The following MYH15 variants were observed in gnomAD, a reference collection of about 807,000 sequenced individuals.
The protein encoded by MYH15 is myosin-15.
In MYH15, 227 loss-of-function variants were observed where a neutral mutation model predicts 240.5. The observed-to-expected ratio is 0.94, with a 90% CI of 0.85 to 1.05. The LOEUF (loss-of-function observed/expected upper bound fraction) is 1.05. MYH15 is among the 50% of genes least tolerant of loss of function. The pLI is 0.00. For missense variants in MYH15, 2,217 were observed against 2,247.5 expected, an observed-to-expected ratio of 0.99 and a Z score of 0.27; for synonymous variants, 785 against 796.7, an observed-to-expected ratio of 0.99 and a Z score of 0.25.
At chr3:108,500,080 G>A (rs756693038) in intron 4 of MYH15, 38 bp downstream of exon 4, 31 of 1,598,074 alleles carry the variant, frequency 1.9e-5, no homozygotes, top group Non-Finnish European at 2.6e-5. Context: ...AAGTAGATCA[G>A]ATATTTTTAC....
At chr3:108,423,091 G>C (rs1021356759) in intron 27 of MYH15, among the ~76,000 whole-genome samples, 1 of 152,270 alleles carries the variant, frequency 6.6e-6, no homozygotes, top group African/African-American at 2.4e-5. Flanking sequence ...GGGGGAAACA[G>C]GGACTCTCAC....
At chr3:108,512,865 G>A (rs1276631757), upstream of MYH15, among the ~76,000 whole-genome samples, 1 of 151,994 alleles carries the variant, frequency 6.6e-6, no homozygotes, top group African/African-American at 2.4e-5. Flanking sequence ...GAAACATTAG[G>A]TGCCAGGAGT....
rs141734511 is a variant in MYH15 at position 108,444,755 on chromosome 3, T to G, written c.2540A>C (p.Glu847Ala). 349 of 1,614,138 alleles carry G rather than the reference T, an allele frequency of 2.2e-4. 5 individuals carry two copies. The East Asian group carries it at 7.7e-3, about 36-fold the overall frequency. The change falls in exon 22 of 41, where the codon GAG becomes GCG. Residue 847 changes from glutamate (E) to alanine (A), a missense_variant. Physicochemically the swap from Glu to Ala is moderately radical, Grantham distance 107. Coordinates refer to ENST00000693548, the MANE Select transcript of MYH15 (RefSeq NM_014981.3). ...CAAGGCTTTCTGTAATTGTGCACAC[T>G]CTTCCTTCAGTCCAGCTACTTCTTC... ...VGEEVAGLKE[E>A]CAQLQKALEK... is the part of the protein sequence containing the mutation.
chr3:108,417,010 G>T (rs1318304861), intron 28 of MYH15, 80 bp from the exon 29 acceptor site: 1 of 1,133,886 alleles, frequency 8.8e-7, no homozygotes, highest in Non-Finnish European at 1.3e-6. Flanking sequence ...TGACTTTAAG[G>T]GTAGCCAGAA....
chr3:108,442,611 T>C (rs974176678), intron 22 of MYH15, among the ~76,000 whole-genome samples: 1 of 152,068 alleles, frequency 6.6e-6, no homozygotes, highest in African/African-American at 2.4e-5. Flanking sequence ...TCATTAAACA[T>C]GACAGCAGGA....
chr3:108,534,284 T>C (rs1289096029), upstream of MYH15, among the ~76,000 whole-genome samples: 1 of 152,198 alleles, frequency 6.6e-6, no homozygotes, highest in Non-Finnish European at 1.5e-5. Context: ...GCCATATTAT[T>C]TATCTTGAAA....
intron 1 of MYH15, among the ~76,000 whole-genome samples, chr3:108,525,525 A>G (rs1355077398): frequency 6.6e-6 from 1 of 152,126 alleles, no homozygotes; most frequent in East Asian, 1.9e-4. Context: ...AGCAATCTAG[A>G]AACTTCCCTC....
At chr3:108,493,304 C>CAAAAAAAAA (rs34979792) in intron 7 of MYH15, 127 bp from the exon 8 acceptor site, 1 of 430,938 alleles carries the variant, frequency 2.3e-6, no homozygotes. Context: ...AAAAAACAAA[C>CAAAAAAAAA]AAAAAAAAAA....
chr3:108,409,806 T>C (rs949343338), intron 31 of MYH15, among the ~76,000 whole-genome samples: 1 of 152,234 alleles, frequency 6.6e-6, no homozygotes, highest in Admixed American at 6.5e-5. Context: ...TACATGTGCA[T>C]AAATACATGT....
intron 38 of MYH15, among the ~76,000 whole-genome samples, chr3:108,385,312 T>C (rs1299059618): frequency 3.9e-5 from 6 of 152,240 alleles, no homozygotes; most frequent in Admixed American, 6.5e-5. Context: ...AACTTTCTAA[T>C]TGACTCTTGG....
intron 37 of MYH15, among the ~76,000 whole-genome samples, chr3:108,389,304 C>T (rs1022183193): frequency 1.3e-5 from 2 of 152,200 alleles, no homozygotes. Context: ...GGCTAATTCA[C>T]ACAGATATGA....
intron 20 of MYH15, 94 bp from the exon 21 acceptor site, chr3:108,454,236 A>G: frequency 8.9e-7 from 1 of 1,125,916 alleles, no homozygotes; most frequent in Admixed American, 2.4e-5. Flanking sequence ...GTTCCTAGGG[A>G]TAACTGTATC....
chr3:108,386,997 TGGAG>T (rs1460848806), intron 38 of MYH15, among the ~76,000 whole-genome samples: 3 of 152,020 alleles, frequency 2.0e-5, no homozygotes, highest in Non-Finnish European at 4.4e-5. Flanking sequence ...TTCTAGGTGC[TGGAG>T]AGAGAAAATA....
Position 108,410,626 on chromosome 3 carries a change from G to A in MYH15, c.4452C>T (p.Ile1484=), listed in dbSNP as rs748265905. 21 of 1,607,006 alleles carry A rather than the reference G, an allele frequency of 1.3e-5. No homozygotes were observed. The highest frequency in any genetic ancestry group is 1.6e-5 in the Non-Finnish European group (19 of 1,174,216). Residue 1484 remains isoleucine (I), a synonymous_variant, in exon 31 of 41, where the codon ATC becomes ATT. Coordinates refer to ENST00000693548, the MANE Select transcript of MYH15 (RefSeq NM_014981.3). ...LKLKNTYEES[I]VGQETLRREN... The stretch of plus-strand genomic sequence containing the variant: ...CCCTCCTGAGTGTCTCCTGGCCCAC[G>A]ATGCTCTCCTCATAGGTGTTCTTGA...
intron 38 of MYH15, among the ~76,000 whole-genome samples, chr3:108,388,584 T>A (rs1197785589): frequency 6.6e-6 from 1 of 152,106 alleles, no homozygotes; most frequent in East Asian, 1.9e-4. Flanking sequence ...CAGCATCCCA[T>A]GTAACCTGCC....
At chr3:108,414,555 C>T (rs1039792730) in intron 29 of MYH15, 127 bp from the exon 30 acceptor site, 3 of 747,096 alleles carry the variant, frequency 4.0e-6, no homozygotes, top group African/African-American at 3.5e-5. Context: ...CGAACCTGAA[C>T]CTAGTAAGAT....
chr3:108,466,794 C>A (rs6792242), intron 14 of MYH15, among the ~76,000 whole-genome samples: 2 of 152,042 alleles, frequency 1.3e-5, no homozygotes, highest in Non-Finnish European at 2.9e-5. Flanking sequence ...TTCAAGGTGT[C>A]CCCCCTGCAG....
At position 108,428,881 on chromosome 3, in the gene MYH15, T is replaced by C. The variant is rs3900940; in HGVS notation, c.3313A>G (p.Thr1105Ala). The C allele has an allele frequency of 0.27, 436,583 of 1,593,946 alleles. 63,307 individuals carry two copies. Among genetic ancestry groups the C allele is most frequent in the Non-Finnish European group, 0.3 (355,643 of 1,173,606 alleles). Residue 1105 changes from threonine (T) to alanine (A), a missense_variant and splice_region_variant, in exon 27 of 41, where the codon ACT becomes GCT. Thr to Ala is a moderately conservative substitution (Grantham distance 58). Transcript: ENST00000693548. ...QLQKTVKELQTQIKDLKEKLE... is the reference protein window; with the variant it reads ...QLQKTVKELQAQIKDLKEKLE... ...TTCTCTTTCAAATCCTTTATTTGAG[T>C]CTGTAGCAAGAAATAATTTTGACTT...
At chr3:108,545,865 C>T in the MYH15 span, among the ~76,000 whole-genome samples, 2 of 152,058 alleles carry the variant, frequency 1.3e-5, no homozygotes, top group Admixed American at 6.6e-5. Context: ...TATTTTACTC[C>T]ATGACTGTAC....
Sources: allele counts gnomAD v4.1 joint callset (sites outside exome capture counted in the v4.1 genomes callset), GRCh38; gene constraint gnomAD v4.1.1; transcripts MANE v1.5; gene names NCBI Gene and HGNC (gene_info 2026-07-23, HGNC 2026-07-21).